The following MAPKAPK5 variants were observed in gnomAD, a reference collection of about 807,000 sequenced individuals.
MAPKAPK5 encodes MAPK activated protein kinase 5, also known as MAP kinase-activated protein kinase 5.
MAPKAPK5 carries 30 observed loss-of-function variants against 65.1 expected under a neutral mutation model. The ratio of observed to expected loss-of-function variants is 0.46; its 90% CI spans 0.34 to 0.63. The LOEUF (loss-of-function observed/expected upper bound fraction) is 0.63, where lower values mean the gene tolerates loss of function less well. Ranked by LOEUF, MAPKAPK5 falls within the 20% of genes least tolerant of loss-of-function variation. MAPKAPK5 has a pLI of 0.01. For synonymous variants in MAPKAPK5, 179 were observed against 204.6 expected (o/e 0.87, Z 1.07); for missense variants, 433 against 581.4 (o/e 0.74, Z 2.63).
At chr12:111,855,148 T>C (rs1457183361) in intron 1 of MAPKAPK5, among the ~76,000 whole-genome samples, 3 of 152,196 alleles carry the variant, frequency 2.0e-5, no homozygotes, top group Admixed American at 2.0e-4. Context: ...ATATTAATAA[T>C]TTGTGTCCTG....
Position 111,874,470 on chromosome 12 carries a change from G to GTT in MAPKAPK5, c.579+3306_579+3307dup, listed in dbSNP as rs79738806. ...AGTGTTTTTTGTTTGTTTGTTTTGGGTTTTTTTTTTTTTTTTTGAGATGGA... is the reference window on the plus strand; with the variant it reads ...AGTGTTTTTTGTTTGTTTGTTTTGGGTTTTTTTTTTTTTTTTTTTGAGATGGA... On this transcript the variant is annotated intron_variant, in intron 7 of 13. Transcript: ENST00000550735. 6.2e-4 allele frequency among the ~76,000 whole-genome samples: 83 copies of GTT among 133,390 alleles called. 1 individual carries two copies. Among genetic ancestry groups the GTT allele is most frequent in the South Asian group, 1.7e-3 (7 of 4,068 alleles). The allele number at this position is 133,390 out of a possible 152,430, so 87.5% of individuals were successfully genotyped here. A position where few individuals can be genotyped will look rare whatever the true frequency, so the allele number is the denominator to read the frequency against.
chr12:111,890,024 T>C lies in MAPKAPK5; in HGVS notation c.1217-16T>C, dbSNP rs1185864197. On this transcript the variant is annotated splice_polypyrimidine_tract_variant and intron_variant, in intron 12 of 13. Coordinates refer to ENST00000550735, the MANE Select transcript of MAPKAPK5 (RefSeq NM_003668.4). The stretch of plus-strand genomic sequence containing the variant: ...CTGCAGGAAAAATGCAAATTCCTCT[T>C]CATCCTTACCAATAGGAGAGAATGA... 4.6e-6 allele frequency: 7 copies of C among 1,532,730 alleles called. No homozygotes were observed. Among genetic ancestry groups the C allele is most frequent in the Non-Finnish European group, 6.2e-6 (7 of 1,123,466 alleles). 94.9% of individuals were successfully genotyped at this position (1,532,730 alleles called of 1,614,324 possible). A position where few individuals can be genotyped will look rare whatever the true frequency, so the allele number is the denominator to read the frequency against.
In MAPKAPK5 at chr12:111,899,417, G is replaced by C. The variant is rs139571682; in HGVS notation, c.*6356G>C. 36 of 158,036 alleles carry C rather than the reference G, an allele frequency of 2.3e-4. No individual in the cohort carries two copies. The highest frequency in any genetic ancestry group is 4.6e-4 in the Non-Finnish European group (33 of 71,138). The allele number at this position is 158,036 out of a possible 1,614,324, so 9.8% of individuals were successfully genotyped here. On this transcript the variant is annotated 3_prime_UTR_variant, in exon 14 of 14. Transcript: ENST00000550735. ...TAGTACCAGGACCTTCATGTATCAG[G>C]TTAGAGATTTTGATGCTTTTGGTGA...
At chr12:111,885,842 G>T in intron 9 of MAPKAPK5, 74 bp from the exon 10 acceptor site, 1 of 1,598,712 alleles carries the variant, frequency 6.3e-7, no homozygotes, top group East Asian at 2.2e-5. Context: ...ACTGTTTAGA[G>T]CCAGGTCCAG....
At chr12:111,892,876 A>G (rs1481575479) in intron 13 of MAPKAPK5, 91 bp from the exon 14 acceptor site, 2 of 819,372 alleles carry the variant, frequency 2.4e-6, no homozygotes, top group Non-Finnish European at 1.9e-6. Flanking sequence ...TGAATTTGAT[A>G]CTGGTAAGGT....
rs1049641142 is a variant in MAPKAPK5 at position 111,899,128 on chromosome 12, G to A, written c.*6067G>A. The A allele has an allele frequency of 2.6e-5, 4 of 152,274 alleles. No individual in the cohort carries two copies. Among genetic ancestry groups the A allele is most frequent in the African/African-American group, 7.2e-5 (3 of 41,460 alleles). The allele number at this position is 152,274 out of a possible 1,614,324, so 9.4% of individuals were successfully genotyped here. On this transcript the variant is annotated 3_prime_UTR_variant, in exon 14 of 14. Coordinates refer to ENST00000550735, the MANE Select transcript of MAPKAPK5 (RefSeq NM_003668.4). ...GGCTTGAAGTTCTGTAAGAATCAGA[G>A]TTGGGCAAGAACTGCCAATAAGGGA...
intron 9 of MAPKAPK5, among the ~76,000 whole-genome samples, chr12:111,884,978 A>G (rs899849817): frequency 2.6e-5 from 4 of 152,240 alleles, no homozygotes; most frequent in African/African-American, 9.6e-5. Context: ...TGCAATGATT[A>G]AATCACCATC....
intron 1 of MAPKAPK5, among the ~76,000 whole-genome samples, chr12:111,848,412 ATTTTTTTTTT>A (rs57942830): frequency 2.3e-4 from 28 of 123,222 alleles, no homozygotes; most frequent in African/African-American, 8.4e-4. Context: ...CTTTTGCCCC[ATTTTTTTTTT>A]TTTTTTTTTG....
chr12:111,877,306 A>G (rs1453670711), intron 7 of MAPKAPK5, among the ~76,000 whole-genome samples: 1 of 151,822 alleles, frequency 6.6e-6, no homozygotes, highest in Admixed American at 6.6e-5. Flanking sequence ...GGTGTGAGCC[A>G]CCATGCCCAG....
Position 111,842,778 on chromosome 12 carries a change from GA to G in MAPKAPK5, c.36+10del. On this transcript the variant is annotated intron_variant, in intron 1 of 13. Coordinates refer to ENST00000550735, the MANE Select transcript of MAPKAPK5 (RefSeq NM_003668.4). Reference sequence around the variant, plus strand: ...TGGACAAAGCCATCAAGGTAAGGGGGAGGTGCCCCCTCTTCCCCCGCGTTGT... The same window carrying G: ...TGGACAAAGCCATCAAGGTAAGGGGGGGTGCCCCCTCTTCCCCCGCGTTGT... 7.5e-7 allele frequency: 1 copy of G among 1,325,480 alleles called. No individual in the cohort carries two copies. 82.1% of individuals were successfully genotyped at this position (1,325,480 alleles called of 1,614,324 possible). A position where few individuals can be genotyped will look rare whatever the true frequency, so the allele number is the denominator to read the frequency against.
intron 4 of MAPKAPK5, among the ~76,000 whole-genome samples, chr12:111,868,498 G>T (rs1269691673): frequency 1.3e-5 from 2 of 152,106 alleles, no homozygotes; most frequent in Non-Finnish European, 2.9e-5. Context: ...TCACAACTGT[G>T]CTCTGTTGGT....
chr12:111,857,442 G>A (rs1274936317), intron 1 of MAPKAPK5, among the ~76,000 whole-genome samples: 2 of 151,996 alleles, frequency 1.3e-5, no homozygotes, highest in Admixed American at 6.6e-5. Flanking sequence ...TAGTAGAGAC[G>A]AGGTTTCGCC....
intron 6 of MAPKAPK5, among the ~76,000 whole-genome samples, chr12:111,870,782 G>A (rs1251436252): frequency 2.0e-5 from 3 of 152,176 alleles, no homozygotes; most frequent in Non-Finnish European, 4.4e-5. Context: ...ATTGATGAGA[G>A]GTGATGGGCT....
intron 1 of MAPKAPK5, among the ~76,000 whole-genome samples, chr12:111,858,981 T>C (rs2069339775): frequency 6.8e-6 from 1 of 148,058 alleles, no homozygotes; most frequent in Admixed American, 6.7e-5. Context: ...TCATCAGTTT[T>C]CTTTAATTCT....
rs1181001394 is a variant in MAPKAPK5 at position 111,870,362 on chromosome 12, T to C, written c.483+2T>C. 1 of 1,605,644 alleles carries C rather than the reference T, an allele frequency of 6.2e-7. No homozygotes were observed. The highest frequency in any genetic ancestry group is 1.7e-5 in the Admixed American group (1 of 59,946). ...CTGCTTTTTAAGGATAACTCTTTGGTGAGAAGACTGTTTTTCTGCATTTTA... is the reference window on the plus strand; with the variant it reads ...CTGCTTTTTAAGGATAACTCTTTGGCGAGAAGACTGTTTTTCTGCATTTTA... On this transcript the variant is annotated splice_donor_variant, in intron 6 of 13. Transcript: ENST00000550735. LOFTEE classifies it high-confidence loss of function.
chr12:111,873,344 G>A (rs1192734696), intron 7 of MAPKAPK5, among the ~76,000 whole-genome samples: 1 of 152,002 alleles, frequency 6.6e-6, no homozygotes, highest in Non-Finnish European at 1.5e-5. Context: ...TTGTTTGTTT[G>A]TTTGTTTGTT....
chr12:111,847,308 A>G (rs1457284124), intron 1 of MAPKAPK5, among the ~76,000 whole-genome samples: 1 of 151,174 alleles, frequency 6.6e-6, no homozygotes. Context: ...AGATTGCTCC[A>G]CTGTACTCCA....
intron 1 of MAPKAPK5, among the ~76,000 whole-genome samples, chr12:111,858,405 G>A (rs142640781): frequency 9.9e-4 from 150 of 152,024 alleles, no homozygotes; most frequent in African/African-American, 3.4e-3. Context: ...ACATATGTTG[G>A]AACGCTTGAC....
At chr12:111,873,578 C>T (rs935475218) in intron 7 of MAPKAPK5, among the ~76,000 whole-genome samples, 67 of 152,160 alleles carry the variant, frequency 4.4e-4, no homozygotes, top group Non-Finnish European at 6.9e-4. Context: ...CTCTTGACCT[C>T]GTGATCCGCC....
Sources: allele counts gnomAD v4.1 joint callset (sites outside exome capture counted in the v4.1 genomes callset), GRCh38; gene constraint gnomAD v4.1.1; transcripts MANE v1.5; gene names NCBI Gene and HGNC (gene_info 2026-07-23, HGNC 2026-07-21).